Variants in ROBO1 observed in about 807,000 individuals in gnomAD.
ROBO1 encodes the protein roundabout guidance receptor 1.
Under a neutral mutation model 195.9 loss-of-function variants are expected in ROBO1, and 149 were observed. That is an observed-to-expected ratio of 0.76 (90% confidence interval 0.67 to 0.87). The LOEUF (loss-of-function observed/expected upper bound fraction) is 0.87. Ranked by LOEUF, ROBO1 falls within the 40% of genes least tolerant of loss-of-function variation. ROBO1 has a pLI of 0.00. For synonymous variants in ROBO1, 816 were observed against 733.2 expected (o/e 1.11, Z -1.82); for missense variants, 1,933 against 2,068.3 (o/e 0.93, Z 1.27).
chr3:79,226,722 T>G (rs2082234349), intron 2 of ROBO1, among the ~76,000 whole-genome samples: 1 of 151,934 alleles, frequency 6.6e-6, no homozygotes, highest in African/African-American at 2.4e-5. Flanking sequence ...CTAACTTTTT[T>G]GTTTTTTAGA....
chr3:78,695,625 C>CAAAAAAA (rs1172592248), intron 8 of ROBO1, among the ~76,000 whole-genome samples: 12 of 54,390 alleles, frequency 2.2e-4, no homozygotes, highest in African/African-American at 5.1e-4. Flanking sequence ...ACTCTTGTCT[C>CAAAAAAA]AAAAAAAAAA....
At chr3:79,262,856 A>T (rs551660079) in intron 2 of ROBO1, among the ~76,000 whole-genome samples, 2 of 151,980 alleles carry the variant, frequency 1.3e-5, no homozygotes, top group East Asian at 3.9e-4. Flanking sequence ...ATTTTATTTT[A>T]AAAAGTCCTG....
chr3:78,736,692 TTG>T (rs1159483429), intron 5 of ROBO1, among the ~76,000 whole-genome samples: 1 of 152,194 alleles, frequency 6.6e-6, no homozygotes, highest in Non-Finnish European at 1.5e-5. Context: ...TTTAATTGTA[TTG>T]TCATCTAAAC....
chr3:78,844,942 G>A (rs1030914590), intron 4 of ROBO1, among the ~76,000 whole-genome samples: 6 of 151,950 alleles, frequency 3.9e-5, no homozygotes, highest in African/African-American at 1.4e-4. Flanking sequence ...TGGATTTGAA[G>A]ACATATGTCT....
chr3:78,924,918 T>G (rs2039128113), intron 4 of ROBO1, among the ~76,000 whole-genome samples: 1 of 151,948 alleles, frequency 6.6e-6, no homozygotes, highest in Non-Finnish European at 1.5e-5. Context: ...TTAAAATACT[T>G]AAATTAATAA....
chr3:79,116,725 C>T (rs777529707), intron 3 of ROBO1, among the ~76,000 whole-genome samples: 2 of 151,774 alleles, frequency 1.3e-5, no homozygotes, highest in Non-Finnish European at 2.9e-5. Context: ...ACCATGTTGC[C>T]CAGGTTGGTC....
At chr3:78,875,254 G>C (rs906423230) in intron 4 of ROBO1, among the ~76,000 whole-genome samples, 2 of 151,900 alleles carry the variant, frequency 1.3e-5, no homozygotes, top group Admixed American at 6.6e-5. Context: ...GATTAGAAAA[G>C]GAAAGGAATA....
intron 4 of ROBO1, among the ~76,000 whole-genome samples, chr3:78,777,867 C>A (rs2083550952): frequency 6.6e-6 from 1 of 152,178 alleles, no homozygotes; most frequent in Non-Finnish European, 1.5e-5. Flanking sequence ...ACTTCCAATT[C>A]TATATTGAAT....
intron 2 of ROBO1, among the ~76,000 whole-genome samples, chr3:79,228,449 C>T (rs567127148): frequency 6.6e-6 from 1 of 152,132 alleles, no homozygotes; most frequent in Admixed American, 6.5e-5. Context: ...AATTTAAAAC[C>T]CATCTGACAG....
chr3:79,214,591 G>A (rs2082021207), intron 2 of ROBO1, among the ~76,000 whole-genome samples: 1 of 151,942 alleles, frequency 6.6e-6, no homozygotes, highest in Non-Finnish European at 1.5e-5. Context: ...CTCAACCAAT[G>A]TTAACTTAGG....
At chr3:79,085,542 C>T (rs1459743303) in intron 3 of ROBO1, among the ~76,000 whole-genome samples, 1 of 152,032 alleles carries the variant, frequency 6.6e-6, no homozygotes, top group African/African-American at 2.4e-5. Flanking sequence ...CAAGTAGAAT[C>T]AAAATGAGAG....
At chr3:78,963,290 CA>C (rs1336075242) in intron 3 of ROBO1, among the ~76,000 whole-genome samples, 1 of 151,758 alleles carries the variant, frequency 6.6e-6, no homozygotes, top group Non-Finnish European at 1.5e-5. Context: ...ATATACAGTA[CA>C]TTTCCAAAGA....
chr3:79,111,230 C>G (rs1273506973), intron 3 of ROBO1, among the ~76,000 whole-genome samples: 1 of 152,094 alleles, frequency 6.6e-6, no homozygotes. Context: ...CTATTGTAGC[C>G]GAAATGTGAC....
chr3:79,504,746 C>T (rs1400112567), intron 2 of ROBO1, among the ~76,000 whole-genome samples: 1 of 151,990 alleles, frequency 6.6e-6, no homozygotes, highest in African/African-American at 2.4e-5. Flanking sequence ...TGATTTTTTT[C>T]TTACTGCCTA....
At chr3:79,681,648 A>G (rs199830509) in intron 1 of ROBO1, among the ~76,000 whole-genome samples, 11 of 152,030 alleles carry the variant, frequency 7.2e-5, no homozygotes, top group East Asian at 5.8e-4. Context: ...GGTTTGGGGA[A>G]CAAGGAAAAT....
chr3:79,257,868 A>C (rs2082867638), intron 2 of ROBO1, among the ~76,000 whole-genome samples: 1 of 152,188 alleles, frequency 6.6e-6, no homozygotes, highest in Non-Finnish European at 1.5e-5. Flanking sequence ...TGACTAAAAC[A>C]AGAATTTAGG....
At chr3:79,096,567 T>C (rs1366180561) in intron 3 of ROBO1, among the ~76,000 whole-genome samples, 1 of 151,540 alleles carries the variant, frequency 6.6e-6, no homozygotes, top group Admixed American at 6.6e-5. Context: ...CTGAAGGTTT[T>C]GGGGAAGGTA....
chr3:79,461,660 G>A (rs760978377), intron 2 of ROBO1, among the ~76,000 whole-genome samples: 7 of 152,104 alleles, frequency 4.6e-5, no homozygotes, highest in African/African-American at 9.7e-5. Flanking sequence ...ATAATGAAAT[G>A]TTTGTTGCTT....
chr3:79,330,583 C>A (rs1449295031), intron 2 of ROBO1, among the ~76,000 whole-genome samples: 2 of 144,674 alleles, frequency 1.4e-5, no homozygotes, highest in East Asian at 4.1e-4. Context: ...TCTATGGCTA[C>A]TTTCATCCTG....
Sources: gnomAD v4.1 joint callset for allele counts (sites outside exome capture counted in the v4.1 genomes callset) on GRCh38, gnomAD v4.1.1 for gene constraint, MANE v1.5 for transcripts, NCBI Gene and HGNC (gene_info 2026-07-23, HGNC 2026-07-21) for gene names.